The following NME7 variants were observed in gnomAD, a reference collection of about 807,000 sequenced individuals.
The protein encoded by NME7 is nucleoside diphosphate kinase 7.
Under a neutral mutation model 49.1 loss-of-function variants are expected in NME7, and 41 were observed. The ratio of observed to expected loss-of-function variants is 0.83; its 90% CI spans 0.65 to 1.08. The LOEUF is 1.08. Among genes scored for constraint, NME7 ranks in the 50% least tolerant of loss-of-function variants. NME7 has a pLI of 0.00. For missense variants in NME7, 423 were observed against 463.4 expected (o/e 0.91, Z 0.80); for synonymous variants, 139 against 150.6 (o/e 0.92, Z 0.56).
At chr1:169,143,350 G>T (rs1407906414) in intron 11 of NME7, among the ~76,000 whole-genome samples, 1 of 146,724 alleles carries the variant, frequency 6.8e-6, no homozygotes, top group Non-Finnish European at 1.5e-5. Context: ...CCGCATAAGG[G>T]CTTTAGCAAG....
At chr1:169,208,868 A>G (rs1050933073) in intron 10 of NME7, among the ~76,000 whole-genome samples, 2 of 152,094 alleles carry the variant, frequency 1.3e-5, no homozygotes, top group African/African-American at 4.8e-5. Flanking sequence ...AAAGATCCAT[A>G]GATTTACAGG....
intron 7 of NME7, among the ~76,000 whole-genome samples, chr1:169,275,478 C>CAA (rs57449323): frequency 0.046 from 1,353 of 29,154 alleles, 122 homozygotes; most frequent in African/African-American, 0.091. Flanking sequence ...AACTCCGTCT[C>CAA]AAAAAAAAAA....
At chr1:169,183,132 C>T (rs1023376160) in intron 10 of NME7, among the ~76,000 whole-genome samples, 1 of 152,146 alleles carries the variant, frequency 6.6e-6, no homozygotes, top group African/African-American at 2.4e-5. Flanking sequence ...ATATAAAATG[C>T]CATGTGACAA....
intron 1 of NME7, among the ~76,000 whole-genome samples, chr1:169,351,215 A>G (rs909087988): frequency 2.6e-5 from 4 of 152,056 alleles, no homozygotes; most frequent in African/African-American, 9.7e-5. Flanking sequence ...AGCGCCTACA[A>G]TCCAGTGATA....
At position 169,186,130 on chromosome 1, in the gene NME7, A is replaced by G. The variant is rs536755024; in HGVS notation, c.991-16576T>C. Among the ~76,000 whole-genome samples, 5 of 152,304 alleles carry G rather than the reference A, an allele frequency of 3.3e-5. No homozygotes were observed. In the South Asian group the frequency reaches 8.3e-4, roughly 25 times the overall value. ...TCTAGGCAATACAGGAAGACCAACC[A>G]GAATTTACATTGGGGAATTGTAATA... On this transcript the variant is annotated intron_variant, in intron 10 of 11. Coordinates refer to ENST00000367811, the MANE Select transcript of NME7 (RefSeq NM_013330.5).
chr1:169,208,940 T>C (rs1424774032), intron 10 of NME7, among the ~76,000 whole-genome samples: 1 of 152,064 alleles, frequency 6.6e-6, no homozygotes, highest in Non-Finnish European at 1.5e-5. Context: ...AGAATGTGTT[T>C]CCATAGTCCA....
rs1653944454 is a variant in NME7, at chr1:169,367,784, G to C, written c.-74C>G. ...ACACCACCACCACCACCATCATACGGTTACTCAGGCAACAAAGCCCCGCCC... is the reference window on the plus strand; with the variant it reads ...ACACCACCACCACCACCATCATACGCTTACTCAGGCAACAAAGCCCCGCCC... On this transcript the variant is annotated 5_prime_UTR_variant, in exon 1 of 12. Transcript: ENST00000367811. 8.8e-6 allele frequency: 14 copies of C among 1,594,978 alleles called. No homozygotes were observed. Among genetic ancestry groups the C allele is most frequent in the Non-Finnish European group, 1.0e-5 (12 of 1,163,426 alleles).
At chr1:169,162,732 A>T (rs1269727307) in intron 11 of NME7, among the ~76,000 whole-genome samples, 1 of 152,122 alleles carries the variant, frequency 6.6e-6, no homozygotes, top group African/African-American at 2.4e-5. Context: ...CTAGCCTCTC[A>T]GGAGGCTGAG....
At chr1:169,365,283 G>A (rs1653810449) in intron 1 of NME7, among the ~76,000 whole-genome samples, 1 of 152,168 alleles carries the variant, frequency 6.6e-6, no homozygotes, top group Non-Finnish European at 1.5e-5. Context: ...GCGGATTTTA[G>A]AAATATTTCC....
chr1:169,175,047 CACAA>C (rs756746401), intron 10 of NME7, among the ~76,000 whole-genome samples: 5 of 151,890 alleles, frequency 3.3e-5, no homozygotes, highest in African/African-American at 1.2e-4. Context: ...CAGCTTAAAA[CACAA>C]ACACATTGTA....
chr1:169,144,264 C>T (rs1658689464), intron 11 of NME7, among the ~76,000 whole-genome samples: 1 of 152,068 alleles, frequency 6.6e-6, no homozygotes, highest in Non-Finnish European at 1.5e-5. Context: ...AGAATGGATA[C>T]ATAATATCCC....
chr1:169,359,584 CTTTTAT>C (rs1653587892), intron 1 of NME7, among the ~76,000 whole-genome samples: 1 of 151,738 alleles, frequency 6.6e-6, no homozygotes, highest in African/African-American at 2.4e-5. Flanking sequence ...ATTACTTTTA[CTTTTAT>C]ATTTTCTCAT....
intron 4 of NME7, among the ~76,000 whole-genome samples, chr1:169,304,958 C>G (rs1295865006): frequency 6.6e-6 from 1 of 152,088 alleles, no homozygotes; most frequent in Non-Finnish European, 1.5e-5. Context: ...CAGAAGAATA[C>G]TAAAACAACC....
At chr1:169,298,458 A>C in intron 6 of NME7, 98 bp downstream of exon 6, 1 of 1,241,262 alleles carries the variant, frequency 8.1e-7, no homozygotes, top group Non-Finnish European at 1.1e-6. Flanking sequence ...GCAGCAGCAT[A>C]AATCCACCCT....
intron 1 of NME7, among the ~76,000 whole-genome samples, chr1:169,358,707 G>A (rs1001770965): frequency 6.6e-6 from 1 of 152,018 alleles, no homozygotes; most frequent in Non-Finnish European, 1.5e-5. Flanking sequence ...AGCAAAGCAG[G>A]TGACAGTTTT....
At chr1:169,256,752 T>C (rs1188639529) in intron 7 of NME7, among the ~76,000 whole-genome samples, 1 of 126,996 alleles carries the variant, frequency 7.9e-6, no homozygotes, top group African/African-American at 2.6e-5. Context: ...GGTGTGGATG[T>C]CCTTTCTGTT....
chr1:169,199,891 A>C (rs181625799), intron 10 of NME7, among the ~76,000 whole-genome samples: 38 of 152,224 alleles, frequency 2.5e-4, no homozygotes, highest in Non-Finnish European at 4.6e-4. Flanking sequence ...CTTTGGCCTA[A>C]CTCTTCAGGT....
At chr1:169,154,488 A>T (rs893410543) in intron 11 of NME7, among the ~76,000 whole-genome samples, 6 of 152,128 alleles carry the variant, frequency 3.9e-5, no homozygotes, top group African/African-American at 1.4e-4. Context: ...ATATTATAAA[A>T]AAATCTCTGG....
At position 169,133,089 on chromosome 1, in the gene NME7, T is replaced by TA. The variant is rs5778601; in HGVS notation, c.1099-273dup. ...CTATTGCTTCACTAGACATATGTGTTAAAAAAAAAAGTTGTTAGCACTTCA... is the reference window on the plus strand; with the variant it reads ...CTATTGCTTCACTAGACATATGTGTTAAAAAAAAAAAGTTGTTAGCACTTCA... On this transcript the variant is annotated intron_variant, in intron 11 of 11. Coordinates refer to ENST00000367811, the MANE Select transcript of NME7 (RefSeq NM_013330.5). 0.05 allele frequency among the ~76,000 whole-genome samples: 7,551 copies of TA among 150,238 alleles called. 1,102 individuals are homozygous for TA. The East Asian group carries it at 0.59, about 12-fold the overall frequency.
Sources: gnomAD v4.1 joint callset for allele counts (sites outside exome capture counted in the v4.1 genomes callset) on GRCh38, gnomAD v4.1.1 for gene constraint, MANE v1.5 for transcripts, NCBI Gene and HGNC (gene_info 2026-07-23, HGNC 2026-07-21) for gene names.